MGAT4B: variants seen among roughly 807,000 people sequenced by gnomAD.
MGAT4B encodes N-acetylglucosaminyltransferase IVb.
Under a neutral mutation model 73.9 loss-of-function variants are expected in MGAT4B, and 38 were observed. That is an observed-to-expected ratio of 0.51 (90% CI 0.40 to 0.67). MGAT4B has a LOEUF of 0.67. Ranked by LOEUF, MGAT4B falls within the 30% of genes least tolerant of loss-of-function variation. The pLI is 0.00. For synonymous variants in MGAT4B, 373 were observed against 313.5 expected (o/e 1.19, Z -2.01); for missense variants, 686 against 735.2 (o/e 0.93, Z 0.77).
Position 179,800,615 on chromosome 5 carries a change from CT to C in MGAT4B, c.606-19del. 1 of 1,542,318 alleles carries C rather than the reference CT, an allele frequency of 6.5e-7. No homozygotes were observed. Among genetic ancestry groups the C allele is most frequent in the Non-Finnish European group, 8.9e-7 (1 of 1,121,760 alleles). ...TGGGGAACCTGGGGGACGGGAAGGC[CT>C]AGTCCGTATGCAGCCTCCAGGGGCT... On this transcript the variant is annotated intron_variant, in intron 5 of 14. Coordinates refer to ENST00000292591, the MANE Select transcript of MGAT4B (RefSeq NM_014275.5).
intron 8 of MGAT4B, 151 bp from the exon 9 acceptor site, chr5:179,799,787 C>T: frequency 7.8e-7 from 1 of 1,287,532 alleles, no homozygotes; most frequent in Non-Finnish European, 1.1e-6. Context: ...TGAGGGCAGA[C>T]ATGTCTGATG....
Position 179,800,906 on chromosome 5 carries a change from C to T in MGAT4B, c.605+1G>A. 1 of 1,613,574 alleles carries T rather than the reference C, an allele frequency of 6.2e-7. No individual in the cohort carries two copies. Among genetic ancestry groups the T allele is most frequent in the Non-Finnish European group, 8.5e-7 (1 of 1,179,926 alleles). On this transcript the variant is annotated splice_donor_variant, in intron 5 of 14. Coordinates refer to ENST00000292591, the MANE Select transcript of MGAT4B (RefSeq NM_014275.5). LOFTEE classifies it high-confidence loss of function. ...AGCTCTCTGGGGTCGCCAGTACTCA[C>T]AAGGCCTTGATGTTCTCTGTCACTG... is the stretch of plus-strand genomic sequence containing the variant.
chr5:179,798,405 C>A lies in MGAT4B; in HGVS notation c.1452G>T (p.Gln484His). The change falls in exon 13 of 15, where the codon CAG becomes CAT. Residue 484 changes from glutamine to histidine, a missense_variant. Gln to His is a conservative substitution (Grantham distance 24). Transcript: ENST00000292591. ...ACCGGAGGGTGGCGGTGCGGCCCTC[C>A]TGCAGGGCCTCCTTGTCTGACTGAG... ...DNPQSDKEAL[Q>H]EGRTATLRYP... 1 of 1,612,652 alleles carries A rather than the reference C, an allele frequency of 6.2e-7. No homozygotes were observed.
At position 179,798,981 on chromosome 5, in the gene MGAT4B, A is replaced by G. The variant is rs780722671; in HGVS notation, c.1290T>C (p.Pro430=). 1 of 1,613,778 alleles carries G rather than the reference A, an allele frequency of 6.2e-7. No homozygotes were observed. The highest frequency in any genetic ancestry group is 8.5e-7 in the Non-Finnish European group (1 of 1,180,028). Residue 430 remains proline, a synonymous_variant, in exon 11 of 15, where the codon CCT becomes CCC. Transcript: ENST00000292591. ...LREDFFWAFT[P]AAGDFIRFRF... ...GGAAGCGGATGAAGTCCCCCGCGGC[A>G]GGGGTGAAGGCCCAGAAGAAGTCCT...
rs1348407632 is a variant in MGAT4B, at chr5:179,801,500, G to T, written c.425-33C>A. On this transcript the variant is annotated intron_variant, in intron 3 of 14. Transcript: ENST00000292591. The surrounding 1 kb of genome is among the most constrained non-coding windows in gnomAD (Gnocchi z 4.8). ...GGACGGAGGCCCGACGCTGGAAAGG[G>T]TGCGGGGGCCACCCGTCCCCCCACC... 3 of 1,603,518 alleles carry T rather than the reference G, an allele frequency of 1.9e-6. No individual in the cohort carries two copies. Among genetic ancestry groups the T allele is most frequent in the Non-Finnish European group, 2.6e-6 (3 of 1,173,286 alleles).
At position 179,798,983 on chromosome 5, in the gene MGAT4B, G is replaced by A; in HGVS notation, c.1288C>T (p.Pro430Ser). Reference protein sequence around the residue: ...LREDFFWAFTPAAGDFIRFRF... With the variant: ...LREDFFWAFTSAAGDFIRFRF... ...AAGCGGATGAAGTCCCCCGCGGCAGGGGTGAAGGCCCAGAAGAAGTCCTCG... is the reference window on the plus strand; with the variant it reads ...AAGCGGATGAAGTCCCCCGCGGCAGAGGTGAAGGCCCAGAAGAAGTCCTCG... Residue 430 changes from proline (P) to serine (S), a missense_variant, in exon 11 of 15, where the codon CCT (proline) becomes TCT (serine). Transcript: ENST00000292591. 6.2e-7 allele frequency: 1 copy of A among 1,613,812 alleles called. No individual in the cohort carries two copies. The highest frequency in any genetic ancestry group is 8.5e-7 in the Non-Finnish European group (1 of 1,180,042).
intron 1 of MGAT4B, among the ~76,000 whole-genome samples, chr5:179,804,318 C>A (rs1757055860): frequency 6.6e-6 from 1 of 152,232 alleles, no homozygotes; most frequent in African/African-American, 2.4e-5. Flanking sequence ...TGCCTCCTCT[C>A]CAGACCCTGC....
At position 179,800,018 on chromosome 5, in the gene MGAT4B, G is replaced by A; in HGVS notation, c.846C>T (p.Asn282=). ...AKPNYLSTMK[N]FALQQPSEDW... ...CCTCTGAAGGCTGCTGCAGTGCAAA[G>A]TTCTTCATGGTGCTCAGGTAGTTGG... Residue 282 remains asparagine, a synonymous_variant, in exon 8 of 15, where the codon AAC becomes AAT. Coordinates refer to ENST00000292591, the MANE Select transcript of MGAT4B (RefSeq NM_014275.5). 1 of 1,614,072 alleles carries A rather than the reference G, an allele frequency of 6.2e-7. No individual in the cohort carries two copies. The highest frequency in any genetic ancestry group is 8.5e-7 in the Non-Finnish European group (1 of 1,180,024).
Position 179,806,425 on chromosome 5 carries a change from G to C in MGAT4B, c.97+62C>G, listed in dbSNP as rs1422129395. The C allele has an allele frequency of 1.9e-6, 2 of 1,066,222 alleles. No individual in the cohort carries two copies. The highest frequency in any genetic ancestry group is 6.9e-5 in the South Asian group (2 of 28,916). The allele number at this position is 1,066,222 out of a possible 1,614,324, so 66.0% of individuals were successfully genotyped here. On this transcript the variant is annotated intron_variant, in intron 1 of 14. Transcript: ENST00000292591. The surrounding 1 kb of genome is among the most constrained non-coding windows in gnomAD (Gnocchi z 4.6). ...GGCCGCCTTCCGCGGCCACCGCCGG[G>C]CCCGCTCCCGCCGCCGACGCCCAGG... is the stretch of plus-strand genomic sequence containing the variant.
Position 179,800,594 on chromosome 5 carries a change from G to A in MGAT4B, c.609C>T (p.Phe203=), listed in dbSNP as rs755887422. The A allele has an allele frequency of 1.2e-4, 198 of 1,598,658 alleles. No individual in the cohort carries two copies. Among genetic ancestry groups the A allele is most frequent in the Non-Finnish European group, 1.6e-4 (191 of 1,169,418 alleles). ...GGAGCCCAGAATGGATCTCCGTGGG[G>A]AACCTGGGGGACGGGAAGGCCTAGT... The part of the protein sequence containing the change: ...SAVTENIKAL[F]PTEIHSGLLE... The change falls in exon 6 of 15, where the codon TTC becomes TTT. Residue 203 remains phenylalanine (F), a synonymous_variant. Transcript: ENST00000292591.
At position 179,799,509 on chromosome 5, in the gene MGAT4B, A is replaced by T; in HGVS notation, c.1038T>A (p.Asp346Glu). The T allele has an allele frequency of 6.2e-7, 1 of 1,612,580 alleles. No individual in the cohort carries two copies. Among genetic ancestry groups the T allele is most frequent in the Non-Finnish European group, 8.5e-7 (1 of 1,179,652 alleles). The change falls in exon 9 of 15, where the codon GAT (aspartate) becomes GAA (glutamate). Residue 346 changes from aspartate to glutamate, a missense_variant. Physicochemically the swap from Asp to Glu is conservative, Grantham distance 45 (BLOSUM62 2). Around this residue, in one of 2 missense-constraint regions of MGAT4B, gnomAD observed 449 missense variants for 536.8 expected, o/e 0.84. Transcript: ENST00000292591. Reference sequence around the variant, plus strand: ...AGTCCCGCCAGCTCTTGCTCACCGCATCCTTCTCGGGGTTGCAGACTTTCA... The same window carrying T: ...AGTCCCGCCAGCTCTTGCTCACCGCTTCCTTCTCGGGGTTGCAGACTTTCA... ...LWVKVCNPEK[D>E]AKHCDRQKAN...
rs771494011 is a variant in MGAT4B at position 179,798,505 on chromosome 5, G to A, written c.1422+8C>T. ...GGCTTCAGTGCACACCACACCCACC[G>A]AACTTACGTCGAAGGGCAGCACCTC... On this transcript the variant is annotated splice_region_variant and intron_variant, in intron 12 of 14. Transcript: ENST00000292591. 2.3e-5 allele frequency: 37 copies of A among 1,613,460 alleles called. No individual in the cohort carries two copies. The highest frequency in any genetic ancestry group is 2.8e-5 in the Non-Finnish European group (33 of 1,180,000).
intron 1 of MGAT4B, chr5:179,802,720 G>A (rs1240707977): frequency 1.0e-6 from 1 of 985,808 alleles, no homozygotes; most frequent in Non-Finnish European, 1.2e-6. Flanking sequence ...AGGTGGATGG[G>A]GCAGCACAGA....
intron 9 of MGAT4B, 55 bp from the exon 10 acceptor site, chr5:179,799,365 G>C: frequency 6.2e-7 from 1 of 1,602,894 alleles, no homozygotes; most frequent in Non-Finnish European, 8.5e-7. Context: ...TCCTCAACAC[G>C]GCCTCTCCTG....
chr5:179,806,278 A>T lies in MGAT4B; in HGVS notation c.97+209T>A. On this transcript the variant is annotated intron_variant, in intron 1 of 14. Coordinates refer to ENST00000292591, the MANE Select transcript of MGAT4B (RefSeq NM_014275.5). This position sits in a 1 kb window ranked among gnomAD's most constrained non-coding sequence, Gnocchi z 4.6. The stretch of plus-strand genomic sequence containing the variant: ...GCGCCCGCGGAGTCCGGTCCGGAGC[A>T]CCCACGGGCGCGGCCCGGGCCCGAG... 1 of 163,436 alleles carries T rather than the reference A, an allele frequency of 6.1e-6. No homozygotes were observed. The highest frequency in any genetic ancestry group is 1.2e-5 in the Non-Finnish European group (1 of 83,976). The allele number at this position is 163,436 out of a possible 1,614,324, so 10.1% of individuals were successfully genotyped here.
Position 179,798,607 on chromosome 5 carries a change from C to T in MGAT4B, c.1344-16G>A. On this transcript the variant is annotated splice_polypyrimidine_tract_variant and intron_variant, in intron 11 of 14. Transcript: ENST00000292591. ...GAAGAAGAACCTGCAGCCAGGCAGGCCTGTGAGCTGCTGCAGGGGCAGCGT... is the reference window on the plus strand; with the variant it reads ...GAAGAAGAACCTGCAGCCAGGCAGGTCTGTGAGCTGCTGCAGGGGCAGCGT... 1 of 1,612,768 alleles carries T rather than the reference C, an allele frequency of 6.2e-7. No individual in the cohort carries two copies. The highest frequency in any genetic ancestry group is 1.3e-5 in the African/African-American group (1 of 75,066).
In MGAT4B at chr5:179,797,952, G is replaced by T; in HGVS notation, c.*93C>A. ...ACGCCAGGCAGAACCCTTTGGGCGG[G>T]GCCGTATCTGGCCCTCCGGGGACGG... On this transcript the variant is annotated 3_prime_UTR_variant, in exon 15 of 15. Transcript: ENST00000292591. 6.7e-7 allele frequency: 1 copy of T among 1,498,498 alleles called. No individual in the cohort carries two copies. Among genetic ancestry groups the T allele is most frequent in the Non-Finnish European group, 9.1e-7 (1 of 1,100,122 alleles). The allele number at this position is 1,498,498 out of a possible 1,614,324, so 92.8% of individuals were successfully genotyped here.
At position 179,800,167 on chromosome 5, in the gene MGAT4B, C is replaced by T; in HGVS notation, c.795+17G>A. On this transcript the variant is annotated intron_variant, in intron 7 of 14. Coordinates refer to ENST00000292591, the MANE Select transcript of MGAT4B (RefSeq NM_014275.5). ...CGGCGCAGGGCAGGGCAGGGCAACG[C>T]AGGGCTTGGGGCTGACCTGCACGTA... 1.2e-6 allele frequency: 2 copies of T among 1,613,564 alleles called. No individual in the cohort carries two copies. Among genetic ancestry groups the T allele is most frequent in the Non-Finnish European group, 1.7e-6 (2 of 1,179,850 alleles).
Position 179,799,502 on chromosome 5 carries a change from T to C in MGAT4B, c.1041+4A>G. The C allele has an allele frequency of 6.2e-7, 1 of 1,613,736 alleles. No homozygotes were observed. ...CCCTGCCAGTCCCGCCAGCTCTTGCTCACCGCATCCTTCTCGGGGTTGCAG... is the reference window on the plus strand; with the variant it reads ...CCCTGCCAGTCCCGCCAGCTCTTGCCCACCGCATCCTTCTCGGGGTTGCAG... On this transcript the variant is annotated splice_donor_region_variant and intron_variant, in intron 9 of 14. Coordinates refer to ENST00000292591, the MANE Select transcript of MGAT4B (RefSeq NM_014275.5).
Sources: allele counts gnomAD v4.1 joint callset (sites outside exome capture counted in the v4.1 genomes callset), GRCh38; gene constraint gnomAD v4.1.1; regional missense constraint gnomAD v4.1.1; non-coding constraint Gnocchi (gnomAD v3.1); transcripts MANE v1.5; gene names NCBI Gene and HGNC (gene_info 2026-07-23, HGNC 2026-07-21).